The following LDLRAD3 variants were observed in gnomAD, a reference collection of about 807,000 sequenced individuals.
The protein encoded by LDLRAD3 is low-density lipoprotein receptor class A domain-containing protein 3.
LDLRAD3 carries 20 observed loss-of-function variants against 29.4 expected under a neutral mutation model. That is an observed-to-expected ratio of 0.68 (90% confidence interval 0.48 to 0.99). The LOEUF is 0.99. LDLRAD3 is among the 50% of genes least tolerant of loss of function. LDLRAD3 has a pLI of 0.00. For missense variants in LDLRAD3, 420 were observed against 454.3 expected (o/e 0.92, Z 0.69); for synonymous variants, 157 against 192.7 (o/e 0.81, Z 1.53).
At chr11:36,190,615 T>C (rs1854926194) in intron 4 of LDLRAD3, among the ~76,000 whole-genome samples, 2 of 152,114 alleles carry the variant, frequency 1.3e-5, no homozygotes, top group South Asian at 2.1e-4. Context: ...TTAGGAGATA[T>C]ATATCCAAAT....
chr11:36,178,458 C>T (rs771906471), intron 4 of LDLRAD3, among the ~76,000 whole-genome samples: 1 of 152,208 alleles, frequency 6.6e-6, no homozygotes, highest in Non-Finnish European at 1.5e-5. Context: ...CCATCCTACA[C>T]TCAGTGTCAT....
intron 2 of LDLRAD3, among the ~76,000 whole-genome samples, chr11:36,059,949 A>G (rs746852588): frequency 6.6e-6 from 1 of 152,248 alleles, no homozygotes; most frequent in African/African-American, 2.4e-5. Flanking sequence ...CACTTATGTA[A>G]TGGAGACTAA....
intron 4 of LDLRAD3, among the ~76,000 whole-genome samples, chr11:36,183,120 C>T (rs1033654613): frequency 1.3e-5 from 2 of 152,072 alleles, no homozygotes; most frequent in South Asian, 2.1e-4. Context: ...GATGGTGGGA[C>T]GTAGACGGTG....
At chr11:36,123,577 A>G (rs12223013) in intron 4 of LDLRAD3, among the ~76,000 whole-genome samples, 8,151 of 152,332 alleles carry the variant, frequency 0.054, 507 homozygotes, top group East Asian at 0.34. Flanking sequence ...AATATATTCT[A>G]TCTCCAGCCA....
intron 4 of LDLRAD3, among the ~76,000 whole-genome samples, chr11:36,203,363 G>A (rs1565301746): frequency 1.3e-5 from 2 of 152,178 alleles, no homozygotes; most frequent in African/African-American, 4.8e-5. Context: ...AGGAAAACAG[G>A]CTCAGGAGTT....
intron 4 of LDLRAD3, among the ~76,000 whole-genome samples, chr11:36,124,460 C>T (rs1419659240): frequency 6.6e-6 from 1 of 152,074 alleles, no homozygotes. Context: ...GAGAGATGAA[C>T]TCATTTGACA....
chr11:35,951,002 G>A (rs1382825273), intron 1 of LDLRAD3, among the ~76,000 whole-genome samples: 2 of 152,034 alleles, frequency 1.3e-5, no homozygotes, highest in Non-Finnish European at 2.9e-5. Context: ...AGAATCACTT[G>A]AACCTGGGAA....
intron 1 of LDLRAD3, among the ~76,000 whole-genome samples, chr11:36,027,840 A>C (rs1277168008): frequency 6.6e-6 from 1 of 152,214 alleles, no homozygotes; most frequent in African/African-American, 2.4e-5. Flanking sequence ...GCTCTCTCAT[A>C]AGCCCTGGCT....
At chr11:36,052,317 A>T (rs575553316) in intron 2 of LDLRAD3, among the ~76,000 whole-genome samples, 2 of 152,348 alleles carry the variant, frequency 1.3e-5, no homozygotes, top group East Asian at 3.9e-4. Context: ...CATGCGTATT[A>T]TCTCCTAAAG....
chr11:36,181,230 TA>T (rs5791085), intron 4 of LDLRAD3, among the ~76,000 whole-genome samples: 111,050 of 146,724 alleles, frequency 0.76, 41,743 homozygotes, highest in South Asian at 0.82. Flanking sequence ...CTACACATGG[TA>T]AAAAAAAAAA....
chr11:36,028,397 G>T (rs1247130989), intron 1 of LDLRAD3, among the ~76,000 whole-genome samples: 1 of 152,122 alleles, frequency 6.6e-6, no homozygotes, highest in Non-Finnish European at 1.5e-5. Flanking sequence ...GGATGTGATG[G>T]GATAGGGAGG....
At chr11:36,019,856 C>T (rs1852071967) in intron 1 of LDLRAD3, among the ~76,000 whole-genome samples, 1 of 152,200 alleles carries the variant, frequency 6.6e-6, no homozygotes, top group Non-Finnish European at 1.5e-5. Flanking sequence ...GAGAGGCGGT[C>T]TGCCACCCAG....
intron 4 of LDLRAD3, among the ~76,000 whole-genome samples, chr11:36,204,783 C>G (rs565329668): frequency 2.0e-5 from 3 of 152,178 alleles, no homozygotes; most frequent in Admixed American, 2.0e-4. Context: ...GCCACAGTGC[C>G]GGCCTGGAGT....
chr11:35,959,227 G>A (rs1245664755), intron 1 of LDLRAD3, among the ~76,000 whole-genome samples: 1 of 152,186 alleles, frequency 6.6e-6, no homozygotes, highest in African/African-American at 2.4e-5. Flanking sequence ...ATATGACTGT[G>A]TTTGCAGACA....
intron 4 of LDLRAD3, among the ~76,000 whole-genome samples, chr11:36,215,568 C>T (rs771455630): frequency 4.6e-5 from 7 of 152,158 alleles, no homozygotes; most frequent in African/African-American, 7.2e-5. Context: ...CTCATCCTGC[C>T]TGCACTGGGA....
At chr11:36,006,047 G>A (rs1047318941) in intron 1 of LDLRAD3, among the ~76,000 whole-genome samples, 7 of 152,074 alleles carry the variant, frequency 4.6e-5, no homozygotes, top group African/African-American at 1.7e-4. Context: ...CTAAGATGTT[G>A]AGCAACTTAA....
At chr11:36,060,546 TTAGGG>T (rs5791079) in intron 2 of LDLRAD3, among the ~76,000 whole-genome samples, 39,685 of 151,732 alleles carry the variant, frequency 0.26, 5,300 homozygotes, top group Non-Finnish European at 0.3. Flanking sequence ...TCATCCTTCC[TTAGGG>T]TAGCCTTTGT....
intron 1 of LDLRAD3, among the ~76,000 whole-genome samples, chr11:35,978,400 T>A (rs1049375299): frequency 2.0e-5 from 3 of 152,218 alleles, no homozygotes; most frequent in Non-Finnish European, 4.4e-5. Flanking sequence ...GGCAGCTTCA[T>A]CCATTCTGTT....
At chr11:36,132,004 A>G (rs1466239348) in intron 4 of LDLRAD3, among the ~76,000 whole-genome samples, 1 of 151,712 alleles carries the variant, frequency 6.6e-6, no homozygotes. Flanking sequence ...GTAAAACCCA[A>G]ATAGCTTTAA....
Sources: allele counts gnomAD v4.1 joint callset (sites outside exome capture counted in the v4.1 genomes callset), GRCh38; gene constraint gnomAD v4.1.1; transcripts MANE v1.5; gene names NCBI Gene and HGNC (gene_info 2026-07-23, HGNC 2026-07-21).